Variants in NAALADL2 observed in about 807,000 individuals in gnomAD.
NAALADL2 encodes the protein inactive N-acetylated-alpha-linked acidic dipeptidase-like protein 2.
In NAALADL2, 76 loss-of-function variants were observed where a neutral mutation model predicts 87.2. That is an observed-to-expected ratio of 0.87 (90% CI 0.72 to 1.05). The LOEUF (loss-of-function observed/expected upper bound fraction) is 1.05, where lower values mean the gene tolerates loss of function less well. Ranked by LOEUF, NAALADL2 falls within the 50% of genes least tolerant of loss-of-function variation. The pLI is 0.00. For missense variants in NAALADL2, 1,089 were observed against 945.8 expected (o/e 1.15, Z -1.99); for synonymous variants, 354 against 331.0 (o/e 1.07, Z -0.75).
At chr3:175,043,644 C>T (rs903180431) in intron 1 of NAALADL2, among the ~76,000 whole-genome samples, 1 of 151,952 alleles carries the variant, frequency 6.6e-6, no homozygotes, top group Admixed American at 6.6e-5. Flanking sequence ...CTATCATTTC[C>T]ACATTGTGTA....
At chr3:175,667,239 GAA>G (rs58198155) in intron 11 of NAALADL2, among the ~76,000 whole-genome samples, 4,113 of 81,448 alleles carry the variant, frequency 0.05, 250 homozygotes, top group African/African-American at 0.24. Context: ...AAGAAAGAAA[GAA>G]AAAGAAAGAA....
At chr3:175,547,854 A>G (rs1353737597) in intron 9 of NAALADL2, among the ~76,000 whole-genome samples, 4 of 152,070 alleles carry the variant, frequency 2.6e-5, no homozygotes, top group African/African-American at 7.2e-5. Flanking sequence ...CAGTGAAACA[A>G]CATCTCATAC....
chr3:175,040,444 C>G (rs780063304), intron 1 of NAALADL2, among the ~76,000 whole-genome samples: 2 of 152,134 alleles, frequency 1.3e-5, no homozygotes, highest in Non-Finnish European at 2.9e-5. Context: ...TGAAGTACTT[C>G]TAGCCTTGTG....
chr3:174,892,047 A>G (rs981698147), intron 1 of NAALADL2, among the ~76,000 whole-genome samples: 2 of 152,194 alleles, frequency 1.3e-5, no homozygotes, highest in African/African-American at 4.8e-5. Context: ...GAAACTGCTT[A>G]GTTCACAACA....
chr3:174,847,869 C>T (rs1724810211), intron 3 of NAALADL2, among the ~76,000 whole-genome samples: 1 of 151,370 alleles, frequency 6.6e-6, no homozygotes, highest in Non-Finnish European at 1.5e-5. Context: ...ACCCAGGTAG[C>T]TGAACATAGA....
intron 4 of NAALADL2, among the ~76,000 whole-genome samples, chr3:175,275,844 A>T (rs868702416): frequency 2.0e-5 from 3 of 150,522 alleles, no homozygotes; most frequent in Non-Finnish European, 4.4e-5. Flanking sequence ...TATTAATATA[A>T]TAATTATAAT....
intron 9 of NAALADL2, among the ~76,000 whole-genome samples, chr3:175,523,406 C>T (rs953632144): frequency 6.6e-6 from 1 of 152,092 alleles, no homozygotes; most frequent in Admixed American, 6.5e-5. Flanking sequence ...CATATTCTGC[C>T]CCTTTCTACC....
chr3:174,852,735 C>A (rs1725395104), intron 3 of NAALADL2, among the ~76,000 whole-genome samples: 2 of 152,084 alleles, frequency 1.3e-5, no homozygotes, highest in Admixed American at 1.3e-4. Flanking sequence ...TGTAGAACTA[C>A]AGAAGACTCA....
intron 1 of NAALADL2, among the ~76,000 whole-genome samples, chr3:174,945,966 A>C (rs920404304): frequency 6.8e-6 from 1 of 147,884 alleles, no homozygotes; most frequent in Non-Finnish European, 1.5e-5. Flanking sequence ...GAATCACTTG[A>C]ACCCAGGAGG....
intron 1 of NAALADL2, among the ~76,000 whole-genome samples, chr3:174,944,636 G>A (rs548352012): frequency 6.6e-6 from 1 of 152,242 alleles, no homozygotes; most frequent in East Asian, 1.9e-4. Context: ...TTGCCAGGAA[G>A]CCTAGGAAGC....
chr3:174,606,546 G>A (rs1356013820), intron 2 of NAALADL2, among the ~76,000 whole-genome samples: 2 of 152,168 alleles, frequency 1.3e-5, no homozygotes, highest in Non-Finnish European at 2.9e-5. Flanking sequence ...GAGTCGATGT[G>A]ATCAACTGGA....
chr3:174,816,463 T>C (rs150526146), intron 3 of NAALADL2, among the ~76,000 whole-genome samples: 241 of 149,640 alleles, frequency 1.6e-3, no homozygotes, highest in Middle Eastern at 3.5e-3. Context: ...GGAGAGACTA[T>C]ATAATCTCTG....
intron 1 of NAALADL2, among the ~76,000 whole-genome samples, chr3:175,029,514 C>A (rs543342556): frequency 1.4e-4 from 21 of 152,054 alleles, no homozygotes; most frequent in Non-Finnish European, 2.1e-4. Flanking sequence ...GTTAGCAAAA[C>A]CAGCATACCA....
intron 11 of NAALADL2, among the ~76,000 whole-genome samples, chr3:175,632,310 C>A (rs548403247): frequency 0.026 from 3,737 of 145,422 alleles, 63 homozygotes; most frequent in Non-Finnish European, 0.037. Flanking sequence ...CTCTCTCTCT[C>A]CTACTCCCTA....
intron 13 of NAALADL2, among the ~76,000 whole-genome samples, chr3:175,767,308 C>G (rs1175316102): frequency 6.6e-6 from 1 of 151,980 alleles, no homozygotes; most frequent in Non-Finnish European, 1.5e-5. Context: ...AGTACTCACC[C>G]CATAGTCTAT....
chr3:175,653,746 T>A (rs1319068953), intron 11 of NAALADL2, among the ~76,000 whole-genome samples: 4 of 152,174 alleles, frequency 2.6e-5, no homozygotes, highest in Admixed American at 2.6e-4. Flanking sequence ...AAAGGTGTAA[T>A]CTCACAAGAC....
chr3:174,843,132 C>T (rs1042849853), intron 3 of NAALADL2, among the ~76,000 whole-genome samples: 1 of 152,018 alleles, frequency 6.6e-6, no homozygotes, highest in Non-Finnish European at 1.5e-5. Flanking sequence ...TCTTTTTGAT[C>T]TATTTTGTAA....
intron 5 of NAALADL2, among the ~76,000 whole-genome samples, chr3:175,357,064 A>T (rs1764461790): frequency 6.6e-6 from 1 of 152,150 alleles, no homozygotes; most frequent in South Asian, 2.1e-4. Flanking sequence ...ACTCTCAGTG[A>T]GTCATGGAAC....
In NAALADL2 at chr3:175,471,764, A is replaced by T. The variant is rs758771388; in HGVS notation, c.1653+6A>T. ...TTCAGCAACTGGTAGTAGAGGTAAG[A>T]CAAACCACTATTGTATCAAATGATT... On this transcript the variant is annotated splice_donor_region_variant and intron_variant, in intron 9 of 13. Coordinates refer to ENST00000454872, the MANE Select transcript of NAALADL2 (RefSeq NM_207015.3). 1 of 1,597,738 alleles carries T rather than the reference A, an allele frequency of 6.3e-7. No homozygotes were observed. The highest frequency in any genetic ancestry group is 8.5e-7 in the Non-Finnish European group (1 of 1,174,032).
Sources: gnomAD v4.1 joint callset for allele counts (sites outside exome capture counted in the v4.1 genomes callset) on GRCh38, gnomAD v4.1.1 for gene constraint, MANE v1.5 for transcripts, NCBI Gene and HGNC (gene_info 2026-07-23, HGNC 2026-07-21) for gene names.